The following FSIP2 variants were observed in gnomAD, a reference collection of about 807,000 sequenced individuals.
FSIP2 encodes the protein fibrous sheath interacting protein 2.
FSIP2 carries 367 observed loss-of-function variants against 510.5 expected under a neutral mutation model. That is an observed-to-expected ratio of 0.72 (90% CI 0.66 to 0.78). The LOEUF is 0.78. Ranked by LOEUF, FSIP2 falls within the 30% of genes least tolerant of loss-of-function variation. The pLI, the probability that FSIP2 is intolerant of heterozygous loss-of-function variation, is 0.00. For synonymous variants in FSIP2, 2,601 were observed against 2,732.2 expected, an observed-to-expected ratio of 0.95 and a Z score of 1.50; for missense variants, 7,594 against 7,901.7, an observed-to-expected ratio of 0.96 and a Z score of 1.48.
intron 13 of FSIP2, chr2:185,766,406 G>A (rs12998507): frequency 6.9e-5 from 10 of 145,178 alleles, no homozygotes; most frequent in African/African-American, 1.3e-4. Context: ...GAAAATTTTC[G>A]CAACCTACTC....
At chr2:185,781,018 C>G (rs1398490568) in intron 13 of FSIP2, among the ~76,000 whole-genome samples, 1 of 151,190 alleles carries the variant, frequency 6.6e-6, no homozygotes, top group African/African-American at 2.4e-5. Context: ...CACCCACAGC[C>G]AAAAGCCAAG....
intron 13 of FSIP2, among the ~76,000 whole-genome samples, chr2:185,770,926 G>T (rs1692595214): frequency 6.6e-6 from 1 of 152,184 alleles, no homozygotes; most frequent in Admixed American, 6.5e-5. Context: ...CTAAGAGGGA[G>T]AAAACAGTCA....
chr2:185,786,649 T>C (rs1692986155), intron 15 of FSIP2, among the ~76,000 whole-genome samples: 1 of 151,854 alleles, frequency 6.6e-6, no homozygotes, highest in African/African-American at 2.4e-5. Flanking sequence ...GTGAACTCAG[T>C]AGTAGGTGAG....
At chr2:185,778,372 G>C (rs1284253249) in intron 13 of FSIP2, among the ~76,000 whole-genome samples, 1 of 151,964 alleles carries the variant, frequency 6.6e-6, no homozygotes, top group Non-Finnish European at 1.5e-5. Context: ...AAACTTTTTA[G>C]AACAGTATGT....
intron 22 of FSIP2, among the ~76,000 whole-genome samples, chr2:185,832,248 C>T (rs192430088): frequency 1.3e-5 from 2 of 152,030 alleles, no homozygotes; most frequent in African/African-American, 2.4e-5. Flanking sequence ...TCTCATGCAA[C>T]ATCATCATTG....
chr2:185,743,503 C>CT (rs1430520440), intron 3 of FSIP2, among the ~76,000 whole-genome samples: 4 of 152,050 alleles, frequency 2.6e-5, no homozygotes, highest in Admixed American at 6.5e-5. Flanking sequence ...CTTCCTTCAC[C>CT]TTTTTTCTTT....
In FSIP2 at chr2:185,808,471, G is replaced by A; in HGVS notation, c.19165G>A (p.Val6389Ile). The A allele has an allele frequency of 1.2e-6, 2 of 1,606,828 alleles. No homozygotes were observed. The highest frequency in any genetic ancestry group is 1.7e-6 in the Non-Finnish European group (2 of 1,177,562). ...NKIASQLSKL[V>I]TAEISRSSIS... ...AATTGCATCTCAACTGTCAAAATTG[G>A]TAACAGCTGAAATTTCCAGAAGTAG... Residue 6389 changes from valine to isoleucine, a missense_variant, in exon 17 of 23, where the codon GTA becomes ATA. Val to Ile is a conservative substitution (Grantham distance 29, BLOSUM62 3). Transcript: ENST00000424728.
In FSIP2 at chr2:185,796,708, G is replaced by T; in HGVS notation, c.9572G>T (p.Cys3191Phe). Residue 3191 changes from cysteine to phenylalanine, a missense_variant, in exon 16 of 23, where the codon TGT becomes TTT. Physicochemically the swap from Cys to Phe is radical, Grantham distance 205. Transcript: ENST00000424728. ...GTGAGTAAAACTGGGTTTGTGTTTT[G>T]TTCAGATGAAGATATGAAAGAAAAG... ...SQVSKTGFVF[C>F]SDEDMKEKYR... 6.5e-7 allele frequency: 1 copy of T among 1,535,072 alleles called. No individual in the cohort carries two copies. Among genetic ancestry groups the T allele is most frequent in the Non-Finnish European group, 8.7e-7 (1 of 1,146,236 alleles).
chr2:185,766,792 A>G (rs919279615), intron 13 of FSIP2, among the ~76,000 whole-genome samples: 2 of 143,766 alleles, frequency 1.4e-5, no homozygotes, highest in Non-Finnish European at 3.1e-5. Context: ...TGGAAATACC[A>G]TTTGACCCAG....
At chr2:185,799,306 T>A (rs1349551034) in intron 16 of FSIP2, among the ~76,000 whole-genome samples, 1 of 151,800 alleles carries the variant, frequency 6.6e-6, no homozygotes, top group Non-Finnish European at 1.5e-5. Context: ...TTAAATGTTT[T>A]GTCTAAAGCT....
In FSIP2 at chr2:185,800,900, G is replaced by C. The variant is rs866217971; in HGVS notation, c.11594G>C (p.Ser3865Thr). 3.3e-6 allele frequency: 5 copies of C among 1,533,204 alleles called. No homozygotes were observed. Among genetic ancestry groups the C allele is most frequent in the Middle Eastern group, 1.7e-4 (1 of 5,986 alleles). The allele number at this position is 1,533,204 out of a possible 1,614,324, so 95.0% of individuals were successfully genotyped here. A position where few individuals can be genotyped will look rare whatever the true frequency, so the allele number is the denominator to read the frequency against. ...LSHSIQQAPE[S>T]LPFANKHLNY... is the part of the protein sequence containing the mutation. ...CACAGCATACAACAAGCTCCGGAAA[G>C]TCTACCTTTTGCAAATAAGCATTTG... is the stretch of plus-strand genomic sequence containing the variant. Residue 3865 changes from serine (S) to threonine (T), a missense_variant, in exon 17 of 23, where the codon AGT becomes ACT. By Grantham distance (58) the Ser-to-Thr change is moderately conservative (BLOSUM62 1). Coordinates refer to ENST00000424728, the MANE Select transcript of FSIP2 (RefSeq NM_173651.4).
In FSIP2 at chr2:185,794,747, T is replaced by C. The variant is rs988297278; in HGVS notation, c.7611T>C (p.Ser2537=). ...QKNSFQSHIN[S]VANDIVESVL... ...ACAGTTTTCAATCACATATTAACAG[T>C]GTAGCAAATGACATAGTTGAAAGTG... Residue 2537 remains serine, a synonymous_variant, in exon 16 of 23, where the codon AGT becomes AGC. Transcript: ENST00000424728. The C allele has an allele frequency of 3.3e-6, 5 of 1,534,076 alleles. No homozygotes were observed. Among genetic ancestry groups the C allele is most frequent in the Middle Eastern group, 1.7e-4 (1 of 5,974 alleles).
At chr2:185,812,260 T>A (rs1001415493) in intron 17 of FSIP2, among the ~76,000 whole-genome samples, 1 of 152,108 alleles carries the variant, frequency 6.6e-6, no homozygotes, top group African/African-American at 2.4e-5. Flanking sequence ...ATGTGGGACA[T>A]ACAGTCTAAG....
chr2:185,801,264 T>A lies in FSIP2; in HGVS notation c.11958T>A (p.Asn3986Lys). Reference sequence around the variant, plus strand: ...GAATAATTTCAGAATTGTTTTTTAATCTCTCTATGTCATTGTGGGGCAAAA... The same window carrying A: ...GAATAATTTCAGAATTGTTTTTTAAACTCTCTATGTCATTGTGGGGCAAAA... ...LEGIISELFF[N>K]LSMSLWGKNK... Residue 3986 changes from asparagine to lysine, a missense_variant, in exon 17 of 23, where the codon AAT (asparagine) becomes AAA (lysine). Physicochemically the swap from Asn to Lys is moderately conservative, Grantham distance 94. Transcript: ENST00000424728. 1 of 1,533,898 alleles carries A rather than the reference T, an allele frequency of 6.5e-7. No individual in the cohort carries two copies. The highest frequency in any genetic ancestry group is 8.7e-7 in the Non-Finnish European group (1 of 1,145,476).
chr2:185,800,576 G>C lies in FSIP2; in HGVS notation c.11270G>C (p.Cys3757Ser). 1 of 1,529,874 alleles carries C rather than the reference G, an allele frequency of 6.5e-7. No individual in the cohort carries two copies. Among genetic ancestry groups the C allele is most frequent in the Non-Finnish European group, 8.7e-7 (1 of 1,143,960 alleles). The allele number at this position is 1,529,874 out of a possible 1,614,324, so 94.8% of individuals were successfully genotyped here. The change falls in exon 17 of 23, where the codon TGT becomes TCT. Residue 3757 changes from cysteine to serine, a missense_variant. By Grantham distance (112) the Cys-to-Ser change is moderately radical (BLOSUM62 -1). Transcript: ENST00000424728. The part of the protein sequence containing the change: ...SKSVFLLNVV[C>S]EKLIRILLEE... ...TCAGTTTTTCTTCTCAATGTTGTAT[G>C]TGAGAAACTTATCAGAATACTTTTG... is the stretch of plus-strand genomic sequence containing the variant.
intron 17 of FSIP2, 24 bp from the exon 18 acceptor site, chr2:185,813,521 T>C (rs1377185316): frequency 1.4e-6 from 2 of 1,401,890 alleles, no homozygotes; most frequent in South Asian, 1.5e-5. Context: ...TTGATTTTAA[T>C]ATTTGCTATA....
Position 185,793,154 on chromosome 2 carries a change from G to A in FSIP2, c.6018G>A (p.Val2006=). 6.5e-7 allele frequency: 1 copy of A among 1,534,118 alleles called. No individual in the cohort carries two copies. Among genetic ancestry groups the A allele is most frequent in the Non-Finnish European group, 8.7e-7 (1 of 1,145,532 alleles). Residue 2006 remains valine, a synonymous_variant, in exon 16 of 23, where the codon GTG becomes GTA. Coordinates refer to ENST00000424728, the MANE Select transcript of FSIP2 (RefSeq NM_173651.4). ...LSKLNTYALQ[V]ARRNLQGIKQ... is the part of the protein sequence containing the mutation. ...AATTAAATACTTATGCACTACAAGTGGCTAGAAGAAATTTACAAGGAATCA... is the reference window on the plus strand; with the variant it reads ...AATTAAATACTTATGCACTACAAGTAGCTAGAAGAAATTTACAAGGAATCA...
intron 9 of FSIP2, among the ~76,000 whole-genome samples, chr2:185,758,668 A>G (rs1692292904): frequency 6.6e-6 from 1 of 151,016 alleles, no homozygotes; most frequent in Non-Finnish European, 1.5e-5. Context: ...GCTTAACCCT[A>G]GTGGTCTTTG....
intron 8 of FSIP2, among the ~76,000 whole-genome samples, chr2:185,755,469 TGAA>T (rs759042550): frequency 5.3e-5 from 8 of 151,714 alleles, no homozygotes; most frequent in African/African-American, 1.2e-4. Context: ...GATACACTGT[TGAA>T]GAAGAAGTAG....
Sources: gnomAD v4.1 joint callset for allele counts (sites outside exome capture counted in the v4.1 genomes callset) on GRCh38, gnomAD v4.1.1 for gene constraint, MANE v1.5 for transcripts, NCBI Gene and HGNC (gene_info 2026-07-23, HGNC 2026-07-21) for gene names.